EFCAB13: variants seen among roughly 807,000 people sequenced by gnomAD.
The protein encoded by EFCAB13 is EF-hand calcium-binding domain-containing protein 13.
In EFCAB13, 91 loss-of-function variants were observed where a neutral mutation model predicts 110.2. The ratio of observed to expected loss-of-function variants is 0.83; its 90% CI spans 0.70 to 0.98. EFCAB13 has a LOEUF of 0.98. Ranked by LOEUF, EFCAB13 falls within the 50% of genes least tolerant of loss-of-function variation. The pLI is 0.00. For synonymous variants in EFCAB13, 323 were observed against 369.9 expected, an observed-to-expected ratio of 0.87 and a Z score of 1.45; for missense variants, 968 against 1,119.4, an observed-to-expected ratio of 0.86 and a Z score of 1.93.
In EFCAB13 at chr17:47,374,631, A is replaced by T. The variant is rs775307757; in HGVS notation, c.1037A>T (p.Tyr346Phe). The change falls in exon 12 of 25, where the codon TAT becomes TTT. Residue 346 changes from tyrosine to phenylalanine, a missense_variant. Coordinates refer to ENST00000331493, the MANE Select transcript of EFCAB13 (RefSeq NM_152347.5). ...KKLNKKSNQY[Y>F]SKIMENDDLE... ...TTAAATAAAAAAAGCAACCAATATT[A>T]TAGCAAAATTATGGAGAATGATGAC... The T allele has an allele frequency of 1.6e-5, 26 of 1,606,128 alleles. No homozygotes were observed. The highest frequency in any genetic ancestry group is 4.0e-5 in the African/African-American group (3 of 74,258).
At chr17:47,355,000 T>C (rs1483895646) in intron 9 of EFCAB13, among the ~76,000 whole-genome samples, 3 of 152,222 alleles carry the variant, frequency 2.0e-5, no homozygotes, top group South Asian at 2.1e-4. Flanking sequence ...GATTCTATTT[T>C]GGTGTATTTT....
At chr17:47,340,796 A>G (rs1335861102) in intron 5 of EFCAB13, among the ~76,000 whole-genome samples, 7 of 51,918 alleles carry the variant, frequency 1.3e-4, no homozygotes, top group Non-Finnish European at 2.6e-4. Context: ...TTTTTTTTTT[A>G]GTAGAGACGG....
At chr17:47,390,874 A>G (rs2065702611) in intron 14 of EFCAB13, among the ~76,000 whole-genome samples, 1 of 151,676 alleles carries the variant, frequency 6.6e-6, no homozygotes, top group African/African-American at 2.4e-5. Context: ...CAGAGACTAT[A>G]GTATAGTAGA....
In EFCAB13 at chr17:47,359,440, T is replaced by G. The variant is rs958956007; in HGVS notation, c.662-1938T>G. On this transcript the variant is annotated intron_variant, in intron 9 of 24. Coordinates refer to ENST00000331493, the MANE Select transcript of EFCAB13 (RefSeq NM_152347.5). ...ATCAAAGAACTTAGTAATCATTAGTTTATTATATGATGAATTTCAAGAAAA... is the reference window on the plus strand; with the variant it reads ...ATCAAAGAACTTAGTAATCATTAGTGTATTATATGATGAATTTCAAGAAAA... Among the ~76,000 whole-genome samples the G allele has an allele frequency of 4.7e-4, 71 of 152,048 alleles. 1 individual carries two copies. Among genetic ancestry groups the G allele is most frequent in the African/African-American group, 1.6e-3 (66 of 41,422 alleles).
At chr17:47,328,486 A>G (rs1208012899) in intron 4 of EFCAB13, 103 bp downstream of exon 4, 3 of 928,300 alleles carry the variant, frequency 3.2e-6, no homozygotes, top group Admixed American at 2.7e-5. Flanking sequence ...ATAGAGTAAT[A>G]GTTATAAGGA....
chr17:47,351,421 G>A (rs973496839), intron 9 of EFCAB13, among the ~76,000 whole-genome samples: 1 of 152,064 alleles, frequency 6.6e-6, no homozygotes, highest in African/African-American at 2.4e-5. Context: ...ACATATGAGT[G>A]TAGGTATCTT....
chr17:47,395,641 T>G (rs1031508308), intron 16 of EFCAB13, among the ~76,000 whole-genome samples, 193 bp from the exon 17 acceptor site: 2 of 152,198 alleles, frequency 1.3e-5, no homozygotes, highest in Non-Finnish European at 2.9e-5. Context: ...TTCAAGATCC[T>G]CAAAAATACA....
At chr17:47,330,344 A>C (rs1056874661) in intron 4 of EFCAB13, among the ~76,000 whole-genome samples, 1 of 151,886 alleles carries the variant, frequency 6.6e-6, no homozygotes, top group African/African-American at 2.4e-5. Context: ...CAGGGGTACA[A>C]GTGGTTTTTG....
intron 14 of EFCAB13, among the ~76,000 whole-genome samples, chr17:47,388,352 G>C (rs1467087407): frequency 1.3e-5 from 2 of 152,156 alleles, no homozygotes; most frequent in African/African-American, 4.8e-5. Context: ...TGTGGATATA[G>C]AAGTCCTTTT....
At chr17:47,409,620 G>A (rs1048856442) in intron 20 of EFCAB13, 27 bp from the exon 21 acceptor site, 1 of 1,582,770 alleles carries the variant, frequency 6.3e-7, no homozygotes, top group South Asian at 1.1e-5. Flanking sequence ...ATTCCTCATT[G>A]TGTAATGTCT....
chr17:47,370,198 A>G (rs772848094), intron 10 of EFCAB13, among the ~76,000 whole-genome samples: 3 of 152,228 alleles, frequency 2.0e-5, no homozygotes, highest in Admixed American at 6.5e-5. Flanking sequence ...AGCTTAAAAC[A>G]TGACTATTTC....
intron 24 of EFCAB13, among the ~76,000 whole-genome samples, chr17:47,436,107 AT>A (rs1905208669): frequency 6.6e-6 from 1 of 152,190 alleles, no homozygotes; most frequent in Admixed American, 6.5e-5. Context: ...CTATCCCTGC[AT>A]CCCTGGTACG....
Position 47,347,841 on chromosome 17 carries a change from T to C in EFCAB13, c.551T>C (p.Ile184Thr). Residue 184 changes from isoleucine to threonine, a missense_variant, in exon 9 of 25, where the codon ATT becomes ACT. Coordinates refer to ENST00000331493, the MANE Select transcript of EFCAB13 (RefSeq NM_152347.5). ...LHKACKIFSKIRSGKIYVNDL... is the reference protein window; with the variant it reads ...LHKACKIFSKTRSGKIYVNDL... The stretch of plus-strand genomic sequence containing the variant: ...AAAGCCTGTAAAATTTTTAGTAAAA[T>C]TCGAAGTGGTAAGATTTATGTGAAT... 2 of 1,530,798 alleles carry C rather than the reference T, an allele frequency of 1.3e-6. No homozygotes were observed. Among genetic ancestry groups the C allele is most frequent in the Non-Finnish European group, 8.9e-7 (1 of 1,126,784 alleles). 94.8% of individuals were successfully genotyped at this position (1,530,798 alleles called of 1,614,324 possible).
chr17:47,337,686 C>T (rs1208791839), intron 5 of EFCAB13, among the ~76,000 whole-genome samples: 1 of 151,972 alleles, frequency 6.6e-6, no homozygotes, highest in African/African-American at 2.4e-5. Context: ...GCCTGGGAAA[C>T]ACTGGGAGGT....
At chr17:47,337,231 C>G (rs1348817124) in intron 5 of EFCAB13, among the ~76,000 whole-genome samples, 2 of 152,170 alleles carry the variant, frequency 1.3e-5, no homozygotes, top group Non-Finnish European at 2.9e-5. Context: ...TAGCTTTCTT[C>G]AAGATAGGTT....
intron 16 of EFCAB13, among the ~76,000 whole-genome samples, chr17:47,394,651 A>C (rs1234135012): frequency 6.6e-6 from 1 of 152,190 alleles, no homozygotes; most frequent in Non-Finnish European, 1.5e-5. Flanking sequence ...GTTAGTATGC[A>C]TTCTAAAAAT....
chr17:47,379,770 A>AT (rs74311766), intron 14 of EFCAB13, among the ~76,000 whole-genome samples: 70,366 of 151,852 alleles, frequency 0.46, 16,679 homozygotes, highest in African/African-American at 0.49. Flanking sequence ...ATGATTAAAT[A>AT]TTTTTTAGCA....
chr17:47,365,346 G>A (rs1273706403), intron 10 of EFCAB13, among the ~76,000 whole-genome samples: 2 of 152,154 alleles, frequency 1.3e-5, no homozygotes, highest in African/African-American at 2.4e-5. Context: ...TAAGCTGGCT[G>A]TAGTTTGAGG....
intron 17 of EFCAB13, among the ~76,000 whole-genome samples, chr17:47,397,824 C>T (rs1454632670): frequency 2.0e-5 from 3 of 151,924 alleles, no homozygotes; most frequent in Admixed American, 1.3e-4. Context: ...GCAGCTGCCC[C>T]GTCTGAGAAG....
Sources: gnomAD v4.1 joint callset for allele counts (sites outside exome capture counted in the v4.1 genomes callset) on GRCh38, gnomAD v4.1.1 for gene constraint, MANE v1.5 for transcripts, NCBI Gene and HGNC (gene_info 2026-07-23, HGNC 2026-07-21) for gene names.